The following NTRK3 variants were observed in gnomAD, a reference collection of about 807,000 sequenced individuals.
NTRK3 encodes NT-3 growth factor receptor.
In NTRK3, 24 loss-of-function variants were observed where a neutral mutation model predicts 91.7. The ratio of observed to expected loss-of-function variants is 0.26; its 90% confidence interval spans 0.19 to 0.37. NTRK3 has a LOEUF of 0.37. NTRK3 is among the 10% of genes least tolerant of loss of function. The pLI, the probability that NTRK3 is intolerant of heterozygous loss-of-function variation, is 1.00. For synonymous variants in NTRK3, 483 were observed against 404.0 expected, an observed-to-expected ratio of 1.20 and a Z score of -2.34; for missense variants, 880 against 1,068.9, an observed-to-expected ratio of 0.82 and a Z score of 2.46.
chr15:88,162,761 T>C (rs2044582567), intron 5 of NTRK3, among the ~76,000 whole-genome samples: 1 of 152,198 alleles, frequency 6.6e-6, no homozygotes, highest in African/African-American at 2.4e-5. Flanking sequence ...AGATGGGCTT[T>C]ATCTATGCAA....
At chr15:87,871,287 G>T (rs2064821973) in exon 19 of NTRK3, 1 of 230,864 alleles carries the variant, frequency 4.3e-6, no homozygotes, top group East Asian at 6.1e-5. Flanking sequence ...GTCATGCAGA[G>T]CTTCTGTCAG....
chr15:87,998,748 C>T (rs538033863), intron 14 of NTRK3, among the ~76,000 whole-genome samples: 39 of 152,268 alleles, frequency 2.6e-4, no homozygotes, highest in African/African-American at 9.1e-4. Context: ...TCCATTGAAA[C>T]AATTGCCTGC....
chr15:88,147,518 CT>C, intron 5 of NTRK3, 115 bp from the exon 6 acceptor site: 4 of 344,144 alleles, frequency 1.2e-5, no homozygotes, highest in Non-Finnish European at 1.9e-5. Flanking sequence ...TCTTCTTCTT[CT>C]TCTTCTTCTT....
intron 18 of NTRK3, among the ~76,000 whole-genome samples, chr15:87,878,694 G>C (rs763175170): frequency 7.2e-5 from 11 of 152,228 alleles, no homozygotes; most frequent in Non-Finnish European, 1.5e-4. Flanking sequence ...ATGGTGGGTG[G>C]AGTGGGGGAA....
intron 3 of NTRK3, among the ~76,000 whole-genome samples, chr15:88,207,394 A>T (rs1240018331): frequency 6.6e-6 from 1 of 152,124 alleles, no homozygotes; most frequent in Non-Finnish European, 1.5e-5. Context: ...CAGAGCCCAA[A>T]CACACCCTTA....
intron 3 of NTRK3, among the ~76,000 whole-genome samples, chr15:88,236,111 A>C (rs1252276874): frequency 1.3e-5 from 2 of 152,242 alleles, no homozygotes; most frequent in Non-Finnish European, 2.9e-5. Flanking sequence ...CCCAAGAGAA[A>C]TGAAAGCCTA....
At chr15:87,879,539 C>G (rs1194190362) in intron 18 of NTRK3, among the ~76,000 whole-genome samples, 1 of 152,188 alleles carries the variant, frequency 6.6e-6, no homozygotes, top group East Asian at 1.9e-4. Flanking sequence ...TTCAGTACCT[C>G]AAGCAGACCC....
chr15:88,119,947 C>T (rs2052522727), intron 13 of NTRK3, among the ~76,000 whole-genome samples: 2 of 152,306 alleles, frequency 1.3e-5, no homozygotes, highest in South Asian at 4.1e-4. Flanking sequence ...ACTTCCAGTA[C>T]CAATTCCCCT....
At chr15:88,141,406 GA>G (rs2042376852) in intron 6 of NTRK3, among the ~76,000 whole-genome samples, 1 of 152,184 alleles carries the variant, frequency 6.6e-6, no homozygotes, top group Admixed American at 6.5e-5. Context: ...GTGTATGCAG[GA>G]AAGATAGGCC....
At chr15:87,929,050 A>G in intron 17 of NTRK3, 141 bp downstream of exon 17, 1 of 1,272,910 alleles carries the variant, frequency 7.9e-7, no homozygotes, top group Non-Finnish European at 1.1e-6. Flanking sequence ...GAGAGGCCAA[A>G]AGATAACTGT....
At chr15:88,096,140 C>T (rs1233237243) in intron 13 of NTRK3, among the ~76,000 whole-genome samples, 1 of 152,176 alleles carries the variant, frequency 6.6e-6, no homozygotes, top group Non-Finnish European at 1.5e-5. Flanking sequence ...GGAGGGAACA[C>T]AGGGCATCCT....
intron 13 of NTRK3, among the ~76,000 whole-genome samples, chr15:88,119,157 A>G (rs1305579990): frequency 6.6e-6 from 1 of 152,048 alleles, no homozygotes. Context: ...GACTTCTATG[A>G]TGATTCACTG....
chr15:88,016,113 G>A (rs1567231643), intron 14 of NTRK3, among the ~76,000 whole-genome samples: 1 of 152,054 alleles, frequency 6.6e-6, no homozygotes, highest in Non-Finnish European at 1.5e-5. Flanking sequence ...CATCACTTGG[G>A]GTGGCATTAG....
At chr15:87,936,922 T>G (rs996905016) in intron 15 of NTRK3, among the ~76,000 whole-genome samples, 1 of 152,216 alleles carries the variant, frequency 6.6e-6, no homozygotes, top group Admixed American at 6.5e-5. Flanking sequence ...AACATAGTCA[T>G]GGACTCTATA....
At chr15:88,177,683 C>A (rs2046120445) in intron 5 of NTRK3, among the ~76,000 whole-genome samples, 1 of 152,104 alleles carries the variant, frequency 6.6e-6, no homozygotes, top group Non-Finnish European at 1.5e-5. Context: ...CTGGGGCATG[C>A]AAGTAGGCAG....
chr15:87,992,776 T>C (rs1467100500), intron 14 of NTRK3, among the ~76,000 whole-genome samples: 1 of 152,234 alleles, frequency 6.6e-6, no homozygotes, highest in Admixed American at 6.5e-5. Flanking sequence ...AGCCAGGACT[T>C]GAATCCAGGT....
intron 3 of NTRK3, among the ~76,000 whole-genome samples, chr15:88,248,795 TAGTA>T (rs1391917187): frequency 2.6e-5 from 4 of 152,198 alleles, no homozygotes; most frequent in East Asian, 1.9e-4. Flanking sequence ...GTCTAGAACA[TAGTA>T]AGTGTTTCAG....
intron 5 of NTRK3, among the ~76,000 whole-genome samples, chr15:88,173,619 G>A (rs1222340124): frequency 1.3e-5 from 2 of 152,210 alleles, no homozygotes; most frequent in Non-Finnish European, 2.9e-5. Flanking sequence ...TAGCAACCAG[G>A]TGCAAAGCAG....
intron 5 of NTRK3, among the ~76,000 whole-genome samples, chr15:88,160,175 G>T (rs907592375): frequency 6.6e-6 from 1 of 152,302 alleles, no homozygotes. Flanking sequence ...TGGAGCTGGG[G>T]AACCCAGAGG....
Sources: gnomAD v4.1 joint callset for allele counts (sites outside exome capture counted in the v4.1 genomes callset) on GRCh38, gnomAD v4.1.1 for gene constraint, MANE v1.5 for transcripts, NCBI Gene and HGNC (gene_info 2026-07-23, HGNC 2026-07-21) for gene names.